SSBP3: variants seen among roughly 807,000 people sequenced by gnomAD.
SSBP3 encodes single-stranded DNA-binding protein 3.
Under a neutral mutation model 69.6 loss-of-function variants are expected in SSBP3, and 5 were observed. That is an observed-to-expected ratio of 0.07 (90% confidence interval 0.04 to 0.15). The LOEUF is 0.15. Ranked by LOEUF, SSBP3 falls within the 10% of genes least tolerant of loss-of-function variation. SSBP3 has a pLI of 1.00. For missense variants in SSBP3, 312 were observed against 534.0 expected (o/e 0.58, Z 4.10); for synonymous variants, 196 against 193.4 (o/e 1.01, Z -0.11).
intron 5 of SSBP3, among the ~76,000 whole-genome samples, chr1:54,268,743 T>A (rs1202396438): frequency 6.6e-6 from 1 of 152,124 alleles, no homozygotes; most frequent in Non-Finnish European, 1.5e-5. Context: ...TCTGTTAAGA[T>A]GAAGCAACAG....
chr1:54,275,676 A>G (rs886633882), intron 5 of SSBP3, among the ~76,000 whole-genome samples: 1 of 152,194 alleles, frequency 6.6e-6, no homozygotes, highest in African/African-American at 2.4e-5. Context: ...CAAACAGCTC[A>G]CCACTTCATC....
intron 5 of SSBP3, among the ~76,000 whole-genome samples, chr1:54,270,626 G>A (rs1645176356): frequency 6.6e-6 from 1 of 152,140 alleles, no homozygotes; most frequent in Non-Finnish European, 1.5e-5. Context: ...CTGGAAAGAG[G>A]AGAAACCCTG....
intron 4 of SSBP3, among the ~76,000 whole-genome samples, chr1:54,327,404 T>C (rs1366175103): frequency 6.6e-6 from 1 of 152,156 alleles, no homozygotes; most frequent in East Asian, 1.9e-4. Context: ...GGGAAAGCCA[T>C]GGCATCATCT....
chr1:54,229,034 C>T (rs1042133666), intron 14 of SSBP3, among the ~76,000 whole-genome samples: 2 of 152,234 alleles, frequency 1.3e-5, no homozygotes, highest in African/African-American at 2.4e-5. Flanking sequence ...GTGCTCATTC[C>T]AATGACCCAG....
intron 4 of SSBP3, among the ~76,000 whole-genome samples, chr1:54,292,913 G>GC (rs1216612819): frequency 2.0e-5 from 3 of 152,048 alleles, no homozygotes; most frequent in African/African-American, 7.2e-5. Flanking sequence ...TCCCTACCCT[G>GC]CCAAGTGGCC....
At chr1:54,334,384 A>G (rs963241517) in intron 4 of SSBP3, among the ~76,000 whole-genome samples, 5 of 152,090 alleles carry the variant, frequency 3.3e-5, no homozygotes, top group Admixed American at 6.5e-5. Context: ...TTTCAAAAAT[A>G]AACAAATAAA....
chr1:54,302,173 TA>T (rs1645814365), intron 4 of SSBP3, among the ~76,000 whole-genome samples: 1 of 152,212 alleles, frequency 6.6e-6, no homozygotes, highest in African/African-American at 2.4e-5. Context: ...CTCCAGCCTG[TA>T]AGCAGGAGGA....
chr1:54,314,291 G>A (rs1227003376), intron 4 of SSBP3, among the ~76,000 whole-genome samples: 1 of 152,178 alleles, frequency 6.6e-6, no homozygotes, highest in African/African-American at 2.4e-5. Context: ...GTGTATGCGG[G>A]CACACATTCA....
intron 4 of SSBP3, among the ~76,000 whole-genome samples, chr1:54,396,146 C>T (rs1194308087): frequency 3.7e-5 from 5 of 136,862 alleles, no homozygotes; most frequent in Non-Finnish European, 7.6e-5. Context: ...GAGCCAAGAT[C>T]GCGCCATGGC....
chr1:54,287,894 C>T (rs989612210), intron 4 of SSBP3, among the ~76,000 whole-genome samples: 7 of 152,164 alleles, frequency 4.6e-5, no homozygotes, highest in Non-Finnish European at 1.0e-4. Context: ...GAAAACAGAG[C>T]TGTTGCTACG....
intron 17 of SSBP3, 125 bp downstream of exon 17, chr1:54,228,130 G>A: frequency 1.1e-6 from 1 of 909,642 alleles, no homozygotes; most frequent in Non-Finnish European, 1.8e-6. Flanking sequence ...AACTGAGGTG[G>A]AAAAACCATA....
chr1:54,304,386 A>T (rs1348797883), intron 4 of SSBP3, among the ~76,000 whole-genome samples: 1 of 119,490 alleles, frequency 8.4e-6, no homozygotes, highest in African/African-American at 3.2e-5. Context: ...TGAATTAAAG[A>T]GCTCTTGGGG....
chr1:54,378,633 G>A (rs1404387142), intron 4 of SSBP3, among the ~76,000 whole-genome samples: 2 of 152,214 alleles, frequency 1.3e-5, no homozygotes, highest in Non-Finnish European at 2.9e-5. Context: ...CTGGGACGGC[G>A]GTTTGGTTCC....
chr1:54,273,331 CAT>C (rs932462512), intron 5 of SSBP3, among the ~76,000 whole-genome samples: 4 of 152,206 alleles, frequency 2.6e-5, no homozygotes, highest in African/African-American at 9.6e-5. Flanking sequence ...TGCACACAGG[CAT>C]GCGTGCACAC....
At chr1:54,235,161 A>C (rs1428343792) in intron 14 of SSBP3, among the ~76,000 whole-genome samples, 1 of 152,134 alleles carries the variant, frequency 6.6e-6, no homozygotes, top group Non-Finnish European at 1.5e-5. Context: ...CATCTCTCCA[A>C]AGATGTCCAT....
intron 5 of SSBP3, among the ~76,000 whole-genome samples, chr1:54,275,654 TACC>T (rs1214885091): frequency 6.6e-6 from 1 of 152,230 alleles, no homozygotes; most frequent in Non-Finnish European, 1.5e-5. Flanking sequence ...ACTGCTTAGT[TACC>T]ACCACTGTCA....
intron 10 of SSBP3, 100 bp downstream of exon 10, chr1:54,243,135 G>C: frequency 9.6e-7 from 1 of 1,038,600 alleles, no homozygotes; most frequent in South Asian, 1.3e-5. Flanking sequence ...GTCCAGAGAG[G>C]TACCAGCAAT....
In SSBP3 at chr1:54,258,820, G is replaced by A. The variant is rs535755207; in HGVS notation, c.367-671C>T. ...CACACGGTGTGGGCAGCACAGACTCGCACACCGTGAATTCACCTGCACTTC... is the reference window on the plus strand; with the variant it reads ...CACACGGTGTGGGCAGCACAGACTCACACACCGTGAATTCACCTGCACTTC... On this transcript the variant is annotated intron_variant, in intron 5 of 17. Coordinates refer to ENST00000610401, the Ensembl canonical transcript of SSBP3. The surrounding 1 kb of genome is among the most constrained non-coding windows in gnomAD (Gnocchi z 4.5). Among the ~76,000 whole-genome samples, 14 of 152,316 alleles carry A rather than the reference G, an allele frequency of 9.2e-5. No individual in the cohort carries two copies. Among genetic ancestry groups the A allele is most frequent in the African/African-American group, 2.9e-4 (12 of 41,566 alleles).
chr1:54,312,355 T>C (rs1004086623), intron 4 of SSBP3, among the ~76,000 whole-genome samples: 1 of 151,630 alleles, frequency 6.6e-6, no homozygotes, highest in Non-Finnish European at 1.5e-5. Flanking sequence ...TTTGGGAGGC[T>C]GAGGTGGGTG....
Sources: allele counts gnomAD v4.1 joint callset (sites outside exome capture counted in the v4.1 genomes callset), GRCh38; gene constraint gnomAD v4.1.1; non-coding constraint Gnocchi (gnomAD v3.1); transcripts MANE v1.5; gene names NCBI Gene and HGNC (gene_info 2026-07-23, HGNC 2026-07-21).